The following CNTN5 variants were observed in gnomAD, a reference collection of about 807,000 sequenced individuals.
The protein encoded by CNTN5 is contactin 5, also known as contactin-5.
Under a neutral mutation model 129.1 loss-of-function variants are expected in CNTN5, and 77 were observed. The observed-to-expected ratio is 0.60, with a 90% CI of 0.50 to 0.72. The LOEUF is 0.72. CNTN5 is among the 30% of genes least tolerant of loss of function. The pLI is 0.00. For missense variants in CNTN5, 1,478 were observed against 1,328.8 expected, an observed-to-expected ratio of 1.11 and a Z score of -1.75; for synonymous variants, 509 against 465.6, an observed-to-expected ratio of 1.09 and a Z score of -1.20.
At chr11:100,269,210 G>A (rs571861517) in intron 17 of CNTN5, among the ~76,000 whole-genome samples, 8 of 152,296 alleles carry the variant, frequency 5.3e-5, no homozygotes, top group Admixed American at 2.6e-4. Context: ...AGTGAGATGA[G>A]TAATAGAGAT....
At chr11:99,958,740 G>GC (rs1457498999) in intron 8 of CNTN5, among the ~76,000 whole-genome samples, 3 of 152,082 alleles carry the variant, frequency 2.0e-5, no homozygotes, top group Non-Finnish European at 4.4e-5. Flanking sequence ...AAACTTCTGA[G>GC]CCCCTTTCTC....
intron 7 of CNTN5, among the ~76,000 whole-genome samples, chr11:99,956,174 A>G (rs1337790631): frequency 1.3e-5 from 2 of 152,072 alleles, no homozygotes; most frequent in Admixed American, 1.3e-4. Flanking sequence ...TGAAGTACGT[A>G]ATATTCTAAT....
chr11:99,845,319 G>A, intron 6 of CNTN5, 57 bp downstream of exon 6: 2 of 743,966 alleles, frequency 2.7e-6, no homozygotes, highest in Non-Finnish European at 3.8e-6. Context: ...TATACAGTAT[G>A]GATTTTTAAA....
At chr11:99,658,268 TA>T (rs1164336625) in intron 3 of CNTN5, among the ~76,000 whole-genome samples, 1 of 152,226 alleles carries the variant, frequency 6.6e-6, no homozygotes, top group Non-Finnish European at 1.5e-5. Flanking sequence ...TTCTGTTCAT[TA>T]TCTACTGCAA....
intron 21 of CNTN5, among the ~76,000 whole-genome samples, chr11:100,311,791 G>C (rs1214713211): frequency 6.6e-6 from 1 of 152,022 alleles, no homozygotes; most frequent in Admixed American, 6.6e-5. Context: ...ACCTTGATGA[G>C]AGAGATTTTA....
intron 8 of CNTN5, among the ~76,000 whole-genome samples, chr11:99,985,030 A>G (rs7112484): frequency 0.32 from 47,946 of 151,748 alleles, 7,991 homozygotes; most frequent in African/African-American, 0.41. Flanking sequence ...GGGTGCCTGC[A>G]ACGGTGAAGC....
chr11:99,801,618 T>A (rs750536567), intron 3 of CNTN5, among the ~76,000 whole-genome samples: 2 of 109,474 alleles, frequency 1.8e-5, no homozygotes, highest in Non-Finnish European at 4.2e-5. Context: ...TCTTGACAAC[T>A]TTTTTTAACT....
intron 3 of CNTN5, among the ~76,000 whole-genome samples, chr11:99,795,777 C>T (rs1945913931): frequency 1.3e-5 from 2 of 152,094 alleles, no homozygotes; most frequent in Admixed American, 6.5e-5. Flanking sequence ...CTCAGGACTC[C>T]TGGGCTGCAT....
intron 15 of CNTN5, among the ~76,000 whole-genome samples, chr11:100,201,749 T>A (rs576421334): frequency 6.6e-6 from 1 of 152,110 alleles, no homozygotes; most frequent in South Asian, 2.1e-4. Flanking sequence ...TAGTAGATAC[T>A]GTGGTGTGTT....
intron 7 of CNTN5, among the ~76,000 whole-genome samples, chr11:99,950,374 A>G (rs1300013093): frequency 1.3e-5 from 2 of 152,086 alleles, no homozygotes; most frequent in Admixed American, 1.3e-4. Context: ...CCAGCTACTC[A>G]GGAGGCTGAG....
chr11:99,795,788 G>A (rs1945914293), intron 3 of CNTN5, among the ~76,000 whole-genome samples: 1 of 152,196 alleles, frequency 6.6e-6, no homozygotes, highest in African/African-American at 2.4e-5. Flanking sequence ...TGGGCTGCAT[G>A]TTGTAACCCT....
intron 2 of CNTN5, among the ~76,000 whole-genome samples, chr11:99,337,565 C>T (rs1248485801): frequency 6.6e-6 from 1 of 152,148 alleles, no homozygotes; most frequent in Admixed American, 6.5e-5. Context: ...TGGTTTTCTG[C>T]CCTGGACGGA....
chr11:99,122,260 C>T (rs1858380585), intron 1 of CNTN5, among the ~76,000 whole-genome samples: 1 of 151,998 alleles, frequency 6.6e-6, no homozygotes, highest in Non-Finnish European at 1.5e-5. Context: ...TTATTAAACC[C>T]ATTTATTTTC....
chr11:99,068,134 T>G (rs2135237608), intron 1 of CNTN5, among the ~76,000 whole-genome samples: 1 of 152,296 alleles, frequency 6.6e-6, no homozygotes, highest in South Asian at 2.1e-4. Flanking sequence ...ATTGAACCTC[T>G]TTTCTTTATG....
intron 9 of CNTN5, among the ~76,000 whole-genome samples, chr11:100,044,529 G>T (rs1031998973): frequency 6.6e-6 from 1 of 151,144 alleles, no homozygotes; most frequent in African/African-American, 2.4e-5. Context: ...TTTGACTATA[G>T]TAAGATAATA....
intron 2 of CNTN5, among the ~76,000 whole-genome samples, chr11:99,452,172 G>A (rs933707553): frequency 6.6e-6 from 1 of 151,908 alleles, no homozygotes; most frequent in South Asian, 2.1e-4. Context: ...CATTGATATG[G>A]TATATATTAG....
chr11:100,071,653 A>T (rs2137872430), intron 11 of CNTN5, 52 bp from the exon 12 acceptor site: 2 of 1,411,264 alleles, frequency 1.4e-6, no homozygotes, highest in African/African-American at 1.4e-5. Flanking sequence ...TACCCATAAA[A>T]TCCATGTTAT....
chr11:99,517,127 TC>T (rs1436533463), intron 2 of CNTN5, among the ~76,000 whole-genome samples: 2 of 152,052 alleles, frequency 1.3e-5, no homozygotes, highest in African/African-American at 4.8e-5. Context: ...AGGTTTTATC[TC>T]TCTTTTAAAG....
intron 2 of CNTN5, among the ~76,000 whole-genome samples, chr11:99,416,729 G>A (rs1335236355): frequency 6.6e-6 from 1 of 152,146 alleles, no homozygotes; most frequent in Non-Finnish European, 1.5e-5. Flanking sequence ...AACAGAGAAG[G>A]GGCTGTCTGC....
Sources: gnomAD v4.1 joint callset for allele counts (sites outside exome capture counted in the v4.1 genomes callset) on GRCh38, gnomAD v4.1.1 for gene constraint, MANE v1.5 for transcripts, NCBI Gene and HGNC (gene_info 2026-07-23, HGNC 2026-07-21) for gene names.